The following CES5A variants were observed in gnomAD, a reference collection of about 807,000 sequenced individuals.
The protein encoded by CES5A is carboxylesterase 5.
A neutral mutation model predicts 62.9 loss-of-function variants in CES5A; 67 were observed. The observed-to-expected ratio is 1.07, with a 90% CI of 0.88 to 1.31. The LOEUF (loss-of-function observed/expected upper bound fraction) is 1.31, where lower values mean the gene tolerates loss of function less well. CES5A is among the 50% of genes most tolerant of loss of function. The probability of loss-of-function intolerance (pLI) is 0.00; values close to 1 mark genes in which losing one functional copy is unlikely to be tolerated. For missense variants in CES5A, 748 were observed against 708.5 expected (o/e 1.06, Z -0.63); for synonymous variants, 296 against 280.8 (o/e 1.05, Z -0.54).
chr16:55,930,041 T>C (rs1256558958), upstream of CES5A, among the ~76,000 whole-genome samples: 1 of 152,174 alleles, frequency 6.6e-6, no homozygotes, highest in Non-Finnish European at 1.5e-5. Flanking sequence ...CGTGGTTGAT[T>C]GGATCCCTGC....
chr16:55,882,613 T>A (rs1401998558), intron 1 of CES5A, among the ~76,000 whole-genome samples: 1 of 152,242 alleles, frequency 6.6e-6, no homozygotes, highest in East Asian at 1.9e-4. Context: ...TTTCATGTGA[T>A]CTGGAATTTG....
At chr16:55,889,505 G>C (rs565798190) in intron 1 of CES5A, among the ~76,000 whole-genome samples, 1 of 152,240 alleles carries the variant, frequency 6.6e-6, no homozygotes, top group East Asian at 1.9e-4. Context: ...TATTACAAAG[G>C]ATACAAGTGA....
intron 2 of CES5A, among the ~76,000 whole-genome samples, chr16:55,941,675 G>A (rs2034448062): frequency 6.6e-6 from 1 of 151,926 alleles, no homozygotes; most frequent in Admixed American, 6.6e-5. Context: ...TTTGAAAAAG[G>A]AATTACAAAG....
At chr16:55,934,889 C>T (rs1433337467) in intron 2 of CES5A, among the ~76,000 whole-genome samples, 1 of 152,162 alleles carries the variant, frequency 6.6e-6, no homozygotes, top group Non-Finnish European at 1.5e-5. Context: ...TGAAAGTTGG[C>T]AGCCTAGAGA....
intron 1 of CES5A, among the ~76,000 whole-genome samples, chr16:55,896,825 A>G (rs1219059224): frequency 6.6e-6 from 1 of 152,188 alleles, no homozygotes; most frequent in African/African-American, 2.4e-5. Flanking sequence ...AAATATCACA[A>G]AACTGCTTTA....
chr16:55,890,439 C>T (rs1387574226), intron 1 of CES5A, among the ~76,000 whole-genome samples: 1 of 151,580 alleles, frequency 6.6e-6, no homozygotes, highest in African/African-American at 2.4e-5. Context: ...GAATTCTGTG[C>T]AAGCATTTTA....
intron 7 of CES5A, among the ~76,000 whole-genome samples, chr16:55,860,863 T>G (rs2033337788): frequency 6.6e-6 from 1 of 152,174 alleles, no homozygotes; most frequent in Non-Finnish European, 1.5e-5. Context: ...ATTCAAAGAC[T>G]GTCATCAAAG....
Position 55,846,770 on chromosome 16 carries a change from G to A in CES5A, c.1494C>T (p.Thr498=), listed in dbSNP as rs759300437. Residue 498 remains threonine (T), a splice_region_variant and synonymous_variant, in exon 12 of 13, where the codon ACC becomes ACT. Coordinates refer to ENST00000290567, the MANE Select transcript of CES5A (RefSeq NM_001143685.2). The part of the protein sequence containing the change: ...MMKYWATFAR[T]GNPNGNDLSL... ...GGGAGACCGGGAGGTTTACTTACCC[G>A]GTTCGAGCAAAGGTAGCCCAGTATT... 4.3e-6 allele frequency: 7 copies of A among 1,613,956 alleles called. No individual in the cohort carries two copies. The highest frequency in any genetic ancestry group is 2.2e-5 in the East Asian group (1 of 44,886).
intron 1 of CES5A, among the ~76,000 whole-genome samples, chr16:55,902,773 T>C (rs577155745): frequency 6.6e-6 from 1 of 152,298 alleles, no homozygotes; most frequent in Admixed American, 6.5e-5. Flanking sequence ...ATCATCCGAA[T>C]TTCTGTCTCA....
intron 2 of CES5A, among the ~76,000 whole-genome samples, chr16:55,872,129 C>T (rs1267397235): frequency 9.2e-5 from 14 of 152,176 alleles, no homozygotes; most frequent in African/African-American, 2.7e-4. Context: ...AGGACATAGT[C>T]GAATAACAAG....
chr16:55,944,007 C>T (rs931383550), intron 2 of CES5A: 3 of 701,874 alleles, frequency 4.3e-6, no homozygotes, highest in Non-Finnish European at 7.8e-6. Flanking sequence ...GATTCTCTTT[C>T]CAGGGAAAAA....
intron 1 of CES5A, among the ~76,000 whole-genome samples, chr16:55,921,165 A>G (rs1385886777): frequency 6.6e-6 from 1 of 152,174 alleles, no homozygotes; most frequent in Non-Finnish European, 1.5e-5. Flanking sequence ...TGTTGTTCAA[A>G]GAGAGTTCAA....
rs772022505 is a variant in CES5A at position 55,869,620 on chromosome 16, C to A, written c.542G>T (p.Gly181Val). ...VVVQYRLGIF[G>V]FFTTWDQHAP... ...ATTTGGAGAGACTCACGTGAAGAAA[C>A]CAAATATTCCTAGCCGGTACTGGAC... Residue 181 changes from glycine (G) to valine (V), a missense_variant, in exon 4 of 13, where the codon GGT becomes GTT. Coordinates refer to ENST00000290567, the MANE Select transcript of CES5A (RefSeq NM_001143685.2). 3 of 1,613,702 alleles carry A rather than the reference C, an allele frequency of 1.9e-6. No homozygotes were observed. The highest frequency in any genetic ancestry group is 2.5e-6 in the Non-Finnish European group (3 of 1,179,904).
chr16:55,863,401 C>T lies in CES5A; in HGVS notation c.757G>A (p.Gly253Arg). ...TCCAGGTAAGGGATGATGGCCACCC[C>T]ACTCTCCATGATGGCTTTGTGGAAT... Reference protein sequence around the residue: ...GLFHKAIMESGVAIIPYLEAH... With the variant: ...GLFHKAIMESRVAIIPYLEAH... Residue 253 changes from glycine to arginine, a missense_variant, in exon 6 of 13, where the codon GGG (glycine) becomes AGG (arginine). Coordinates refer to ENST00000290567, the MANE Select transcript of CES5A (RefSeq NM_001143685.2). The T allele has an allele frequency of 1.2e-6, 2 of 1,610,542 alleles. No individual in the cohort carries two copies. Among genetic ancestry groups the T allele is most frequent in the Non-Finnish European group, 8.5e-7 (1 of 1,177,452 alleles).
At chr16:55,920,560 C>T (rs927671810) in intron 1 of CES5A, among the ~76,000 whole-genome samples, 3 of 152,150 alleles carry the variant, frequency 2.0e-5, no homozygotes, top group Non-Finnish European at 4.4e-5. Context: ...ATTAGAAGGA[C>T]GGCGAACCTG....
intron 1 of CES5A, among the ~76,000 whole-genome samples, chr16:55,903,738 G>A (rs1165450426): frequency 6.6e-6 from 1 of 152,232 alleles, no homozygotes; most frequent in African/African-American, 2.4e-5. Flanking sequence ...TCTTACTGGA[G>A]TCTTTCTAGC....
intron 1 of CES5A, among the ~76,000 whole-genome samples, chr16:55,955,215 T>C (rs2142491572): frequency 6.6e-6 from 1 of 152,286 alleles, no homozygotes; most frequent in Middle Eastern, 3.4e-3. Context: ...TTTTTTTCCC[T>C]TCTTTTTCAA....
At chr16:55,953,556 A>G (rs2034579395) in intron 1 of CES5A, among the ~76,000 whole-genome samples, 2 of 152,304 alleles carry the variant, frequency 1.3e-5, no homozygotes, top group African/African-American at 2.4e-5. Context: ...AAAAGGAAAA[A>G]AAAACCTGAA....
In CES5A at chr16:55,861,597, C is replaced by CAGCCACAGGCTGGCCCTCCATATA. The variant is rs1191719448; in HGVS notation, c.811-105_811-82dup. 9 of 975,074 alleles carry CAGCCACAGGCTGGCCCTCCATATA rather than the reference C, an allele frequency of 9.2e-6. No individual in the cohort carries two copies. In the African/African-American group the frequency reaches 1.3e-4, roughly 14 times the overall value. 60.4% of individuals were successfully genotyped at this position (975,074 alleles called of 1,614,324 possible). ...TGAAAGCTTGAAAATGCCCTCCAAT[C>CAGCCACAGGCTGGCCCTCCATATA]AGCCACAGGCTGGCCCTCCATATAT... On this transcript the variant is annotated intron_variant, in intron 6 of 12. Coordinates refer to ENST00000290567, the MANE Select transcript of CES5A (RefSeq NM_001143685.2).
Sources: allele counts gnomAD v4.1 joint callset (sites outside exome capture counted in the v4.1 genomes callset), GRCh38; gene constraint gnomAD v4.1.1; transcripts MANE v1.5; gene names NCBI Gene and HGNC (gene_info 2026-07-23, HGNC 2026-07-21).